Variants in SHROOM2 observed in about 807,000 individuals in gnomAD.
SHROOM2 encodes shroom family member 2.
SHROOM2 carries 33 observed loss-of-function variants against 75.9 expected under a neutral mutation model. The ratio of observed to expected loss-of-function variants is 0.43; its 90% CI spans 0.33 to 0.58. The LOEUF (loss-of-function observed/expected upper bound fraction) is 0.58, where lower values mean the gene tolerates loss of function less well. Ranked by LOEUF, SHROOM2 falls within the 20% of genes least tolerant of loss-of-function variation. The pLI, the probability that SHROOM2 is intolerant of heterozygous loss-of-function variation, is 0.04. For missense variants in SHROOM2, 1,434 were observed against 1,461.2 expected (o/e 0.98, Z 0.30); for synonymous variants, 655 against 663.6 (o/e 0.99, Z 0.20).
chrX:9,792,523 G>A (rs2083672761), intron 1 of SHROOM2, among the ~76,000 whole-genome samples: 2 of 106,238 alleles, frequency 1.9e-5, no homozygotes, highest in African/African-American at 3.4e-5. Context: ...AATGAGGGCT[G>A]CTTCTTTTGG....
At chrX:9,872,456 T>C (rs2084176178) in intron 1 of SHROOM2, among the ~76,000 whole-genome samples, 2 of 111,256 alleles carry the variant, frequency 1.8e-5, no homozygotes, top group African/African-American at 6.5e-5. Flanking sequence ...TCCCAGCTAC[T>C]CAGGAGGCTG....
chrX:9,832,261 G>T (rs1284222915), intron 1 of SHROOM2, among the ~76,000 whole-genome samples: 1 of 111,626 alleles, frequency 9.0e-6, no homozygotes, highest in East Asian at 2.8e-4. Flanking sequence ...GCTTGGCCAG[G>T]GATCCATCCT....
chrX:9,840,514 C>G (rs150939258), intron 1 of SHROOM2, among the ~76,000 whole-genome samples: 75 of 112,117 alleles, frequency 6.7e-4, no homozygotes, highest in African/African-American at 2.2e-3. Flanking sequence ...GGCAATCCAC[C>G]TGTCTCAGCC....
At chrX:9,896,748 G>A (rs1290843790) in intron 4 of SHROOM2, 50 bp downstream of exon 4, 3 of 1,095,277 alleles carry the variant, frequency 2.7e-6, no homozygotes, top group Admixed American at 3.4e-5. Context: ...CCCAAGGACA[G>A]GACACACCCA....
chrX:9,906,970 G>T (rs2084395127), intron 5 of SHROOM2, among the ~76,000 whole-genome samples: 1 of 111,229 alleles, frequency 9.0e-6, no homozygotes, highest in South Asian at 3.8e-4. Context: ...CGGTGACCAG[G>T]TTGCCCTCCC....
chrX:9,799,199 G>T (rs1042571500), intron 1 of SHROOM2, among the ~76,000 whole-genome samples: 1 of 83,224 alleles, frequency 1.2e-5, no homozygotes, highest in African/African-American at 5.4e-5. Flanking sequence ...ATGGAGTCTG[G>T]CTCTGTCACT....
At chrX:9,902,194 A>G (rs964149140) in intron 5 of SHROOM2, among the ~76,000 whole-genome samples, 8 of 104,344 alleles carry the variant, frequency 7.7e-5, no homozygotes, top group African/African-American at 2.5e-4. Context: ...TGGGAGGGTA[A>G]GTGGTTGGAT....
intron 5 of SHROOM2, among the ~76,000 whole-genome samples, chrX:9,899,210 G>A (rs1378601415): frequency 9.1e-6 from 1 of 109,834 alleles, no homozygotes; most frequent in Non-Finnish European, 1.9e-5. Context: ...TGCAGTGAAT[G>A]GGGATTGCGC....
chrX:9,875,593 G>C (rs766754432), intron 2 of SHROOM2, among the ~76,000 whole-genome samples: 23 of 112,078 alleles, frequency 2.1e-4, no homozygotes, highest in Non-Finnish European at 3.8e-4. Flanking sequence ...AGTCAGCATA[G>C]CTGGCCAACT....
intron 1 of SHROOM2, among the ~76,000 whole-genome samples, chrX:9,836,703 A>C: frequency 9.0e-6 from 1 of 111,136 alleles, no homozygotes; most frequent in Non-Finnish European, 1.9e-5. Flanking sequence ...CTGGGATTAC[A>C]GGCGTGAGCC....
At chrX:9,834,125 T>C (rs930470476) in intron 1 of SHROOM2, among the ~76,000 whole-genome samples, 4 of 112,235 alleles carry the variant, frequency 3.6e-5, no homozygotes, top group African/African-American at 9.7e-5. Context: ...CTGCTCAACA[T>C]CTGCCAGTGC....
intron 1 of SHROOM2, among the ~76,000 whole-genome samples, chrX:9,787,107 T>C (rs906189305): frequency 8.1e-5 from 9 of 111,751 alleles, no homozygotes; most frequent in Non-Finnish European, 1.5e-4. Context: ...TCGGCACCCC[T>C]TGGACCCGTG....
At chrX:9,811,647 T>C (rs2083792187) in intron 1 of SHROOM2, among the ~76,000 whole-genome samples, 2 of 112,305 alleles carry the variant, frequency 1.8e-5, no homozygotes, top group South Asian at 7.4e-4. Flanking sequence ...CCAGGTGCAC[T>C]GCTCCAAGTT....
chrX:9,868,442 C>G (rs1393986002), intron 1 of SHROOM2, among the ~76,000 whole-genome samples: 2 of 109,342 alleles, frequency 1.8e-5, no homozygotes, highest in Admixed American at 9.9e-5. Flanking sequence ...GATGGGGTTT[C>G]ACCATCTTGG....
chrX:9,874,915 A>C (rs963726254), intron 2 of SHROOM2, among the ~76,000 whole-genome samples: 30 of 105,359 alleles, frequency 2.8e-4, no homozygotes, highest in Non-Finnish European at 5.3e-4. Flanking sequence ...TCTCTCTCTC[A>C]AAAAATTTTT....
rs750032605 is a variant in SHROOM2 at position 9,932,911 on chromosome X, A to G, written c.3587+41A>G. The G allele has an allele frequency of 4.6e-6, 5 of 1,084,131 alleles. No homozygotes were observed. The Admixed American group carries it at 1.3e-4, about 28-fold the overall frequency. 89.3% of individuals were successfully genotyped at this position (1,084,131 alleles called of 1,213,427 possible). A position where few individuals can be genotyped will look rare whatever the true frequency, so the allele number is the denominator to read the frequency against. On this transcript the variant is annotated intron_variant, in intron 6 of 9. Coordinates refer to ENST00000380913, the MANE Select transcript of SHROOM2 (RefSeq NM_001649.4). ...GGTGTTCCCTCCCCATGAGGCTCCT[A>G]ATGTGGGACGCGGGTTCTCAGTGGG...
At chrX:9,832,016 C>T (rs1174881600) in intron 1 of SHROOM2, among the ~76,000 whole-genome samples, 3 of 112,213 alleles carry the variant, frequency 2.7e-5, no homozygotes, top group Non-Finnish European at 5.6e-5. Context: ...CTGCTATCCA[C>T]TGTCAGATTC....
At chrX:9,939,977 G>A (rs1042824247) in intron 8 of SHROOM2, among the ~76,000 whole-genome samples, 10 of 111,252 alleles carry the variant, frequency 9.0e-5, no homozygotes, top group Admixed American at 8.6e-4. Flanking sequence ...AGTAGAGATG[G>A]GGTTTCACCA....
intron 1 of SHROOM2, among the ~76,000 whole-genome samples, chrX:9,852,846 G>A (rs1015922283): frequency 1.8e-5 from 2 of 112,040 alleles, no homozygotes; most frequent in African/African-American, 6.5e-5. Context: ...CTTCTAATGT[G>A]TGTTTCTATC....
Sources: allele counts gnomAD v4.1 joint callset (sites outside exome capture counted in the v4.1 genomes callset), GRCh38; gene constraint gnomAD v4.1.1; transcripts MANE v1.5; gene names NCBI Gene and HGNC (gene_info 2026-07-23, HGNC 2026-07-21).